Variants in ENG observed in about 807,000 individuals in gnomAD.
ENG encodes endoglin, also known as CD105 antigen.
Under a neutral mutation model 71.0 loss-of-function variants are expected in ENG, and 17 were observed. The ratio of observed to expected loss-of-function variants is 0.24; its 90% CI spans 0.16 to 0.36. The LOEUF (loss-of-function observed/expected upper bound fraction) is 0.36. ENG is among the 10% of genes least tolerant of loss of function. ENG has a pLI of 1.00. For missense variants in ENG, 749 were observed against 868.3 expected (o/e 0.86, Z 1.73); for synonymous variants, 360 against 366.9 (o/e 0.98, Z 0.21).
At position 127,829,190 on chromosome 9, in the gene ENG, A is replaced by T. The variant is rs550534664; in HGVS notation, c.360+497T>A. On this transcript the variant is annotated intron_variant, in intron 3 of 14. Transcript: ENST00000373203. ...TCCAAAATAGGCCAAATCCATTTAG[A>T]GCAACTCTTGCAAACTCAACAAAGT... 2.0e-5 allele frequency among the ~76,000 whole-genome samples: 3 copies of T among 152,338 alleles called. No homozygotes were observed. In the South Asian group the frequency reaches 6.2e-4, roughly 32 times the overall value.
At position 127,854,657 on chromosome 9, in the gene ENG, A is replaced by G; in HGVS notation, c.-302T>C. 1 of 470,166 alleles carries G rather than the reference A, an allele frequency of 2.1e-6. No homozygotes were observed. 29.1% of individuals were successfully genotyped at this position (470,166 alleles called of 1,614,324 possible). ...CCAGGGCGCAGATGAAGGCTGTGGT[A>G]TGACCGGCAGCAGGGAGCTCCTGGC... On this transcript the variant is annotated 5_prime_UTR_variant, in exon 1 of 15. Coordinates refer to ENST00000373203, the MANE Select transcript of ENG (RefSeq NM_001114753.3).
intron 2 of ENG, chr9:127,841,056 C>G (rs917065203): frequency 6.6e-6 from 1 of 152,494 alleles, no homozygotes; most frequent in Non-Finnish European, 1.5e-5. Flanking sequence ...ACCCCAGAGC[C>G]TGTTCCCTCT....
At position 127,846,600 on chromosome 9, in the gene ENG, G is replaced by T. The variant is rs1324534249; in HGVS notation, c.68-3355C>A. Among the ~76,000 whole-genome samples, 1 of 152,208 alleles carries T rather than the reference G, an allele frequency of 6.6e-6. No homozygotes were observed. The highest frequency in any genetic ancestry group is 1.9e-4 in the East Asian group (1 of 5,198). On this transcript the variant is annotated intron_variant, in intron 1 of 14. Coordinates refer to ENST00000373203, the MANE Select transcript of ENG (RefSeq NM_001114753.3). This position sits in a 1 kb window ranked among gnomAD's most constrained non-coding sequence, Gnocchi z 5.5. ...TATGTAATGATCAGATAACAGGCCT[G>T]GCGGGGAGATCAGATAAGAGGTCCA...
At chr9:127,821,776 G>A (rs1295477958) in intron 8 of ENG, among the ~76,000 whole-genome samples, 1 of 151,514 alleles carries the variant, frequency 6.6e-6, no homozygotes, top group South Asian at 2.1e-4. Context: ...CCAGCTACTC[G>A]GGAGGCTGAG....
At position 127,820,023 on chromosome 9, in the gene ENG, G is replaced by A; in HGVS notation, c.1149C>T (p.Thr383=). ...KKELVAHLKC[T]ITGLTFWDPS... ...GGTCCCAGAAGGTCAGGCCCGTGAT[G>A]GTGCACTTCAAATGCTGGGTCGGAA... The change falls in exon 9 of 15, where the codon ACC becomes ACT. Residue 383 remains threonine, a synonymous_variant. Transcript: ENST00000373203. 2 of 1,614,046 alleles carry A rather than the reference G, an allele frequency of 1.2e-6. No individual in the cohort carries two copies. Among genetic ancestry groups the A allele is most frequent in the African/African-American group, 1.3e-5 (1 of 75,048 alleles).
rs1361235849 is a variant in ENG at position 127,838,903 on chromosome 9, C to T, written c.219+4191G>A. ...CGGCTGCCACCGCCCATCTACCACCCACCCACAGGAAATCTGAGGATTCTG... is the reference window on the plus strand; with the variant it reads ...CGGCTGCCACCGCCCATCTACCACCTACCCACAGGAAATCTGAGGATTCTG... On this transcript the variant is annotated intron_variant, in intron 2 of 14. Transcript: ENST00000373203. This position sits in a 1 kb window ranked among gnomAD's most constrained non-coding sequence, Gnocchi z 4.3. Among the ~76,000 whole-genome samples, 1 of 152,180 alleles carries T rather than the reference C, an allele frequency of 6.6e-6. No homozygotes were observed. The highest frequency in any genetic ancestry group is 1.5e-5 in the Non-Finnish European group (1 of 68,028).
intron 6 of ENG, 126 bp downstream of exon 6, chr9:127,825,105 C>T (rs977946944): frequency 1.3e-6 from 2 of 1,593,966 alleles, no homozygotes; most frequent in African/African-American, 2.7e-5. Context: ...CTGGCCCCTT[C>T]CCTCACGTAT....
rs373002544 is a variant in ENG at position 127,815,989 on chromosome 9, G to A, written c.1806C>T (p.Ile602=). The change falls in exon 14 of 15, where the codon ATC becomes ATT. Residue 602 remains isoleucine, a synonymous_variant. Transcript: ENST00000373203. The part of the protein sequence containing the change: ...VLGITFGAFL[I]GALLTAALWY... The stretch of plus-strand genomic sequence containing the variant: ...AGAGTGCAGCAGTGAGCAGGGCCCC[G>A]ATGAGGAAGGCACCAAAGGTGATGC... The A allele has an allele frequency of 8.7e-5, 140 of 1,608,796 alleles. 1 individual carries two copies. The highest frequency in any genetic ancestry group is 1.1e-4 in the Non-Finnish European group (133 of 1,178,196).
intron 1 of ENG, among the ~76,000 whole-genome samples, chr9:127,845,063 C>T (rs972183707): frequency 3.3e-5 from 5 of 152,188 alleles, no homozygotes; most frequent in South Asian, 4.1e-4. Flanking sequence ...AGGAATGTGC[C>T]GGGGGAAGGG....
In ENG at chr9:127,817,311, C is replaced by T. The variant is rs1830348561; in HGVS notation, c.1687-108G>A. The T allele has an allele frequency of 3.5e-6, 4 of 1,129,404 alleles. No homozygotes were observed. In the Admixed American group the frequency reaches 7.6e-5, roughly 22 times the overall value. 70.0% of individuals were successfully genotyped at this position (1,129,404 alleles called of 1,614,324 possible). A position where few individuals can be genotyped will look rare whatever the true frequency, so the allele number is the denominator to read the frequency against. ...ACCCTAGAGCCTTGGCTTTGAATCC[C>T]ATCTCCACCGCTTCGTAGCTGGATG... On this transcript the variant is annotated intron_variant, in intron 12 of 14. Transcript: ENST00000373203.
intron 13 of ENG, 68 bp downstream of exon 13, chr9:127,817,081 G>T: frequency 1.3e-6 from 2 of 1,581,272 alleles, no homozygotes; most frequent in Non-Finnish European, 1.7e-6. Flanking sequence ...GTTTCTCAGG[G>T]CTGCCCGCTG....
chr9:127,835,105 C>T (rs895710621), intron 2 of ENG, among the ~76,000 whole-genome samples: 4 of 151,950 alleles, frequency 2.6e-5, no homozygotes, highest in African/African-American at 9.7e-5. Flanking sequence ...CTCAAGTGAT[C>T]CTCCCGCCTT....
intron 1 of ENG, among the ~76,000 whole-genome samples, chr9:127,852,666 G>T (rs1829058387): frequency 6.6e-6 from 1 of 152,080 alleles, no homozygotes; most frequent in Non-Finnish European, 1.5e-5. Context: ...TCTGCTCTCG[G>T]TGTGATCTGC....
At chr9:127,852,285 C>T (rs1042820298) in intron 1 of ENG, among the ~76,000 whole-genome samples, 5 of 152,214 alleles carry the variant, frequency 3.3e-5, no homozygotes, top group Non-Finnish European at 7.3e-5. Context: ...TATCAAGTCA[C>T]ATGCAAGGTA....
In ENG at chr9:127,818,416, C is replaced by T. The variant is rs1830387737; in HGVS notation, c.1429-39G>A. On this transcript the variant is annotated intron_variant, in intron 11 of 14. Transcript: ENST00000373203. ...TAGGGCCACGCGGCATGGGCAGCTG[C>T]TCTTCACCCCACCCCACCTGCTGCC... The T allele has an allele frequency of 3.7e-6, 6 of 1,608,980 alleles. 1 individual carries two copies. In the African/African-American group the frequency reaches 5.3e-5, roughly 14 times the overall value.
rs995006657 is a variant in ENG, at chr9:127,815,547, G to A, written c.*135C>T. ...CTGGCAGCAGGCCTCTGAGAGGGAGGCGGGAAGGGTAGGCGCGGAGAGCAG... is the reference window on the plus strand; with the variant it reads ...CTGGCAGCAGGCCTCTGAGAGGGAGACGGGAAGGGTAGGCGCGGAGAGCAG... On this transcript the variant is annotated 3_prime_UTR_variant, in exon 15 of 15. Coordinates refer to ENST00000373203, the MANE Select transcript of ENG (RefSeq NM_001114753.3). The A allele has an allele frequency of 2.1e-6, 3 of 1,437,960 alleles. No homozygotes were observed. Among genetic ancestry groups the A allele is most frequent in the African/African-American group, 1.4e-5 (1 of 70,412 alleles). 89.1% of individuals were successfully genotyped at this position (1,437,960 alleles called of 1,614,324 possible).
chr9:127,847,329 A>G (rs2131926318), intron 1 of ENG, among the ~76,000 whole-genome samples: 1 of 152,300 alleles, frequency 6.6e-6, no homozygotes, highest in East Asian at 1.9e-4. Flanking sequence ...GCAGGCATTC[A>G]CAGGCTGAGT....
intron 2 of ENG, among the ~76,000 whole-genome samples, chr9:127,833,617 C>T (rs1361497206): frequency 1.3e-5 from 2 of 151,202 alleles, no homozygotes; most frequent in South Asian, 4.2e-4. Context: ...TGCTGAAACA[C>T]AGACTCCCAG....
At chr9:127,850,340 T>G (rs931998771) in intron 1 of ENG, among the ~76,000 whole-genome samples, 1 of 152,036 alleles carries the variant, frequency 6.6e-6, no homozygotes, top group African/African-American at 2.4e-5. Context: ...AGAGGAGAGG[T>G]GGCCGCCTCA....
Sources: allele counts gnomAD v4.1 joint callset (sites outside exome capture counted in the v4.1 genomes callset), GRCh38; gene constraint gnomAD v4.1.1; non-coding constraint Gnocchi (gnomAD v3.1); transcripts MANE v1.5; gene names NCBI Gene and HGNC (gene_info 2026-07-23, HGNC 2026-07-21).